The following CLTC variants were observed in gnomAD, a reference collection of about 807,000 sequenced individuals.
CLTC encodes clathrin heavy chain.
In CLTC, 16 loss-of-function variants were observed where a neutral mutation model predicts 195.8. The ratio of observed to expected loss-of-function variants is 0.08; its 90% confidence interval spans 0.06 to 0.12. The LOEUF is 0.12. Among genes scored for constraint, CLTC ranks in the 10% least tolerant of loss-of-function variants. The pLI is 1.00. For missense variants in CLTC, 796 were observed against 2,027.0 expected (o/e 0.39, Z 11.66); for synonymous variants, 667 against 689.4 (o/e 0.97, Z 0.51).
Position 59,620,176 on chromosome 17 carries a change from G to A in CLTC, c.42+3G>A, listed in dbSNP as rs1188603557. The stretch of plus-strand genomic sequence containing the variant: ...TTCGTTTTCAGGAGCATCTCCAGGT[G>A]CGGCCGGGCCCGGGCTGGTGAGGGC... On this transcript the variant is annotated splice_donor_region_variant and intron_variant, in intron 1 of 31. Transcript: ENST00000269122. 6.2e-7 allele frequency: 1 copy of A among 1,614,118 alleles called. No homozygotes were observed. Among genetic ancestry groups the A allele is most frequent in the Non-Finnish European group, 8.5e-7 (1 of 1,179,984 alleles).
In CLTC at chr17:59,696,593, T is replaced by C. The variant is rs1313771797; in HGVS notation, c.*2741T>C. 6.6e-5 allele frequency: 14 copies of C among 213,370 alleles called. No individual in the cohort carries two copies. Among genetic ancestry groups the C allele is most frequent in the African/African-American group, 1.1e-4 (5 of 44,224 alleles). 13.2% of individuals were successfully genotyped at this position (213,370 alleles called of 1,614,324 possible). ...TGGGGAGTTGGGACCCTCTGCCTCA[T>C]ATTCTGGGTAACTGGTATAACATAG... On this transcript the variant is annotated 3_prime_UTR_variant, in exon 32 of 32. Transcript: ENST00000269122.
chr17:59,663,243 G>T (rs1489876212), intron 8 of CLTC, among the ~76,000 whole-genome samples: 2 of 152,294 alleles, frequency 1.3e-5, no homozygotes, highest in East Asian at 3.9e-4. Flanking sequence ...GAGTAAGGCA[G>T]ACTGAATAAC....
At chr17:59,620,285 G>A (rs2031326659) in intron 1 of CLTC, 112 bp downstream of exon 1, 1 of 1,047,174 alleles carries the variant, frequency 9.5e-7, no homozygotes, top group African/African-American at 1.6e-5. Flanking sequence ...GGGGGTTGTC[G>A]GTGATTGGGG....
intron 1 of CLTC, among the ~76,000 whole-genome samples, chr17:59,632,367 C>CAAA (rs11449653): frequency 1.4e-4 from 16 of 111,484 alleles, no homozygotes; most frequent in Non-Finnish European, 2.1e-4. Flanking sequence ...GAATCCATCT[C>CAAA]AAAAAAAAAA....
Position 59,685,802 on chromosome 17 carries a change from G to T in CLTC, c.4821G>T (p.Leu1607Phe). 2 of 1,612,722 alleles carry T rather than the reference G, an allele frequency of 1.2e-6. No individual in the cohort carries two copies. Among genetic ancestry groups the T allele is most frequent in the South Asian group, 2.2e-5 (2 of 90,966 alleles). Reference sequence around the variant, plus strand: ...TCATCCAGGTCATGAAGGAGTACTTGACAAAGGTAATGACTCTTCTAAGTG... The same window carrying T: ...TCATCCAGGTCATGAAGGAGTACTTTACAAAGGTAATGACTCTTCTAAGTG... Reference protein sequence around the residue: ...PYFIQVMKEYLTKVDKLDASE... With the variant: ...PYFIQVMKEYFTKVDKLDASE... Residue 1607 changes from leucine (L) to phenylalanine (F), a missense_variant, in exon 30 of 32, where the codon TTG (leucine) becomes TTT (phenylalanine). By Grantham distance (22) the Leu-to-Phe change is conservative. Around this residue, in one of 9 missense-constraint regions of CLTC, gnomAD observed 148 missense variants for 279.5 expected, o/e 0.53. Coordinates refer to ENST00000269122, the MANE Select transcript of CLTC (RefSeq NM_004859.4). This position sits in a 1 kb window ranked among gnomAD's most constrained non-coding sequence, Gnocchi z 5.0.
intron 5 of CLTC, among the ~76,000 whole-genome samples, chr17:59,653,886 C>G (rs1348298614): frequency 6.6e-6 from 1 of 151,814 alleles, no homozygotes; most frequent in Non-Finnish European, 1.5e-5. Context: ...GATTCTCATG[C>G]CTCAGCCTCC....
rs1403064811 is a variant in CLTC, at chr17:59,682,561, T to C, written c.3601-68T>C. ...CAAATTCTTTCTCATTGTGAAGATATCAATTTGAAAAGAGGATTAAGCTCA... is the reference window on the plus strand; with the variant it reads ...CAAATTCTTTCTCATTGTGAAGATACCAATTTGAAAAGAGGATTAAGCTCA... On this transcript the variant is annotated intron_variant, in intron 22 of 31. Transcript: ENST00000269122. This position sits in a 1 kb window ranked among gnomAD's most constrained non-coding sequence, Gnocchi z 6.8. The C allele has an allele frequency of 3.8e-6, 6 of 1,584,786 alleles. No individual in the cohort carries two copies. Among genetic ancestry groups the C allele is most frequent in the South Asian group, 2.3e-5 (2 of 88,184 alleles).
chr17:59,667,604 T>C (rs563111558), intron 13 of CLTC, among the ~76,000 whole-genome samples: 37 of 152,358 alleles, frequency 2.4e-4, no homozygotes, highest in African/African-American at 8.2e-4. Context: ...CTTAGTACTA[T>C]AGACATTTAG....
intron 1 of CLTC, among the ~76,000 whole-genome samples, chr17:59,633,622 G>A (rs1249527507): frequency 6.6e-6 from 1 of 151,980 alleles, no homozygotes; most frequent in Non-Finnish European, 1.5e-5. Flanking sequence ...GTGGGATAGA[G>A]CATAATGTCT....
Position 59,666,454 on chromosome 17 carries a change from A to T in CLTC, c.1783-26A>T. On this transcript the variant is annotated intron_variant, in intron 11 of 31. Coordinates refer to ENST00000269122, the MANE Select transcript of CLTC (RefSeq NM_004859.4). This position sits in a 1 kb window ranked among gnomAD's most constrained non-coding sequence, Gnocchi z 4.9. Reference sequence around the variant, plus strand: ...ACTCATGTAAGTGGAGTGGACAATAAACTTGCCTTGTTTGTGGTTTTACAG... The same window carrying T: ...ACTCATGTAAGTGGAGTGGACAATATACTTGCCTTGTTTGTGGTTTTACAG... The T allele has an allele frequency of 6.2e-7, 1 of 1,607,590 alleles. No homozygotes were observed. The highest frequency in any genetic ancestry group is 8.5e-7 in the Non-Finnish European group (1 of 1,175,652).
At chr17:59,684,824 T>G in intron 28 of CLTC, among the ~76,000 whole-genome samples, 1 of 91,282 alleles carries the variant, frequency 1.1e-5, no homozygotes, top group East Asian at 4.2e-4. Flanking sequence ...AAGAAAAAAA[T>G]CTTGCCCTCC....
chr17:59,672,591 C>T (rs1050385679), intron 14 of CLTC, among the ~76,000 whole-genome samples: 5 of 152,160 alleles, frequency 3.3e-5, no homozygotes, highest in African/African-American at 1.2e-4. Context: ...TTTAGAAAAC[C>T]TTCCTTAATG....
intron 31 of CLTC, among the ~76,000 whole-genome samples, chr17:59,692,086 A>G (rs2033314548): frequency 6.6e-6 from 1 of 152,206 alleles, no homozygotes; most frequent in African/African-American, 2.4e-5. Context: ...TGGGAGGCCA[A>G]GGTGGGCGGA....
rs1027786306 is a variant in CLTC, at chr17:59,696,029, T to C, written c.*2177T>C. 1 of 207,720 alleles carries C rather than the reference T, an allele frequency of 4.8e-6. No individual in the cohort carries two copies. The highest frequency in any genetic ancestry group is 2.3e-5 in the African/African-American group (1 of 43,896). 12.9% of individuals were successfully genotyped at this position (207,720 alleles called of 1,614,324 possible). A position where few individuals can be genotyped will look rare whatever the true frequency, so the allele number is the denominator to read the frequency against. On this transcript the variant is annotated 3_prime_UTR_variant, in exon 32 of 32. Transcript: ENST00000269122. ...CTTTTAGTAGATATGCCATGACAGT[T>C]ACTTAGCCACCCCATGCCATCCTGT...
At position 59,660,712 on chromosome 17, in the gene CLTC, C is replaced by G. The variant is rs570345918; in HGVS notation, c.1167+124C>G. The G allele has an allele frequency of 1.6e-4, 151 of 936,258 alleles. 1 individual carries two copies. In the African/African-American group the frequency reaches 2.3e-3, roughly 15 times the overall value. The allele number at this position is 936,258 out of a possible 1,614,324, so 58.0% of individuals were successfully genotyped here. A position where few individuals can be genotyped will look rare whatever the true frequency, so the allele number is the denominator to read the frequency against. On this transcript the variant is annotated intron_variant, in intron 7 of 31. Coordinates refer to ENST00000269122, the MANE Select transcript of CLTC (RefSeq NM_004859.4). ...CTGTTTTTAGATTACATTTGGGTTA[C>G]ATTTTCCTTTAGTAGAATTCCTTGT...
At chr17:59,690,526 CTGTTT>C in intron 30 of CLTC, 105 bp from the exon 31 acceptor site, 1 of 687,570 alleles carries the variant, frequency 1.5e-6, no homozygotes, top group Non-Finnish European at 2.5e-6. Context: ...TCTTTCTAGT[CTGTTT>C]TATTTTGACA....
At chr17:59,652,334 C>T (rs1567946737) in intron 5 of CLTC, among the ~76,000 whole-genome samples, 1 of 152,058 alleles carries the variant, frequency 6.6e-6, no homozygotes, top group Non-Finnish European at 1.5e-5. Context: ...CCAGATTGAC[C>T]GTTACTTAAA....
At chr17:59,620,277 G>T (rs2031325775) in intron 1 of CLTC, 104 bp downstream of exon 1, 8 of 1,234,704 alleles carry the variant, frequency 6.5e-6, no homozygotes, top group Non-Finnish European at 9.5e-6. Flanking sequence ...AGGGGCGGGG[G>T]GGTTGTCGGT....
At chr17:59,653,109 C>G (rs1359576289) in intron 5 of CLTC, among the ~76,000 whole-genome samples, 1 of 152,128 alleles carries the variant, frequency 6.6e-6, no homozygotes, top group East Asian at 1.9e-4. Flanking sequence ...GGGCCTTAAA[C>G]TAGATTAGGC....
Sources: allele counts gnomAD v4.1 joint callset (sites outside exome capture counted in the v4.1 genomes callset), GRCh38; gene constraint gnomAD v4.1.1; regional missense constraint gnomAD v4.1.1; non-coding constraint Gnocchi (gnomAD v3.1); transcripts MANE v1.5; gene names NCBI Gene and HGNC (gene_info 2026-07-23, HGNC 2026-07-21).